The following RGS6 variants were observed in gnomAD, a reference collection of about 807,000 sequenced individuals.
RGS6 encodes regulator of G-protein signaling 6.
In RGS6, 30 loss-of-function variants were observed where a neutral mutation model predicts 78.5. The ratio of observed to expected loss-of-function variants is 0.38; its 90% CI spans 0.29 to 0.52. The LOEUF (loss-of-function observed/expected upper bound fraction) is 0.52, where lower values mean the gene tolerates loss of function less well. Among genes scored for constraint, RGS6 ranks in the 20% least tolerant of loss-of-function variants. The pLI, the probability that RGS6 is intolerant of heterozygous loss-of-function variation, is 0.85. For synonymous variants in RGS6, 206 were observed against 206.0 expected, an observed-to-expected ratio of 1.00 and a Z score of 0.00; for missense variants, 495 against 609.7, an observed-to-expected ratio of 0.81 and a Z score of 1.98.
intron 3 of RGS6, among the ~76,000 whole-genome samples, chr14:72,419,910 A>T (rs2094073095): frequency 6.6e-6 from 1 of 152,266 alleles, no homozygotes; most frequent in East Asian, 1.9e-4. Flanking sequence ...AGGTGGAGAG[A>T]AGTAGAGCAA....
intron 2 of RGS6, among the ~76,000 whole-genome samples, chr14:72,205,801 G>A (rs1315061225): frequency 1.3e-5 from 2 of 152,154 alleles, no homozygotes; most frequent in Non-Finnish European, 2.9e-5. Flanking sequence ...AGTGTGTTCT[G>A]CAGACCGAAA....
At chr14:72,518,935 C>A (rs1167969314) in intron 15 of RGS6, among the ~76,000 whole-genome samples, 1 of 152,168 alleles carries the variant, frequency 6.6e-6, no homozygotes, top group Non-Finnish European at 1.5e-5. Context: ...CACTGATAAC[C>A]ACCTCTCTAC....
At chr14:72,338,075 T>C (rs548698054) in intron 2 of RGS6, among the ~76,000 whole-genome samples, 50 of 152,350 alleles carry the variant, frequency 3.3e-4, no homozygotes, top group Admixed American at 5.2e-4. Context: ...CAGGCAGATA[T>C]GGGCCTCCCC....
In RGS6 at chr14:72,478,279, G is replaced by C. The variant is rs201890851; in HGVS notation, c.804G>C (p.Leu268Phe). The C allele has an allele frequency of 6.2e-7, 1 of 1,612,788 alleles. No homozygotes were observed. The highest frequency in any genetic ancestry group is 1.3e-5 in the African/African-American group (1 of 75,028). ...KEDIRKQITF[L>F]NAQIDRHCLK... ...CTCTATTTTCCCAGATAACATTTTT[G>C]AACGCACAGATCGACAGACATTGTT... The change falls in exon 12 of 18, where the codon TTG (leucine) becomes TTC (phenylalanine). Residue 268 changes from leucine (L) to phenylalanine (F), a missense_variant. Physicochemically the swap from Leu to Phe is conservative, Grantham distance 22. Coordinates refer to ENST00000553525, the MANE Select transcript of RGS6 (RefSeq NM_001204424.2).
chr14:72,320,596 A>G (rs561791001), intron 2 of RGS6, among the ~76,000 whole-genome samples: 1 of 151,704 alleles, frequency 6.6e-6, no homozygotes, highest in South Asian at 2.1e-4. Context: ...AAATAAAATT[A>G]AAAAATAAAA....
chr14:72,138,712 G>A (rs777505369), intron 2 of RGS6, among the ~76,000 whole-genome samples: 7 of 151,934 alleles, frequency 4.6e-5, no homozygotes, highest in Non-Finnish European at 7.4e-5. Flanking sequence ...CAGATCAGCA[G>A]CAGCATTAGA....
chr14:72,173,059 C>T (rs2153685841), intron 2 of RGS6, among the ~76,000 whole-genome samples: 1 of 152,284 alleles, frequency 6.6e-6, no homozygotes, highest in South Asian at 2.1e-4. Context: ...CTCAGTCCAC[C>T]TGTAAAGAGG....
chr14:72,042,853 T>G (rs1473527660), intron 2 of RGS6, among the ~76,000 whole-genome samples: 5 of 152,204 alleles, frequency 3.3e-5, no homozygotes, highest in Non-Finnish European at 5.9e-5. Flanking sequence ...AGTAGATTGC[T>G]GGAGATGGAA....
intron 17 of RGS6, among the ~76,000 whole-genome samples, chr14:72,548,302 CAGAT>C (rs752338541): frequency 7.9e-5 from 12 of 151,644 alleles, no homozygotes; most frequent in South Asian, 2.1e-4. Context: ...GGGTCAAAAA[CAGAT>C]AGCATTTTAC....
chr14:72,229,092 A>C (rs894087413), intron 2 of RGS6, among the ~76,000 whole-genome samples: 3 of 152,172 alleles, frequency 2.0e-5, no homozygotes, highest in African/African-American at 7.2e-5. Context: ...TTGTAGATAC[A>C]TTTGGGAAAA....
At chr14:72,367,439 T>C (rs2082655500) in intron 3 of RGS6, among the ~76,000 whole-genome samples, 1 of 152,176 alleles carries the variant, frequency 6.6e-6, no homozygotes, top group African/African-American at 2.4e-5. Flanking sequence ...AACTTTGACC[T>C]TGAGAAACTT....
At chr14:71,918,819 C>G in the RGS6 span, among the ~76,000 whole-genome samples, 1 of 152,116 alleles carries the variant, frequency 6.6e-6, no homozygotes, top group African/African-American at 2.4e-5. Flanking sequence ...TCATTTTAGT[C>G]AATTGTTCTA....
intron 17 of RGS6, chr14:72,540,905 G>A: frequency 3.0e-6 from 3 of 985,424 alleles, no homozygotes; most frequent in Non-Finnish European, 3.6e-6. Flanking sequence ...GCAACAGGTG[G>A]GAGTGGGGAG....
rs111487150 is a variant in RGS6, at chr14:72,394,432, C to T, written c.184+42238C>T. ...AAAATTGCTAATGAAGTTTCAGGCA[C>T]GCTTTGTCATTGATAACATCTTATC... On this transcript the variant is annotated intron_variant, in intron 3 of 17. Transcript: ENST00000553525. 6.1e-3 allele frequency among the ~76,000 whole-genome samples: 933 copies of T among 152,222 alleles called. 9 individuals carry two copies. The highest frequency in any genetic ancestry group is 0.021 in the African/African-American group (887 of 41,528).
intron 2 of RGS6, among the ~76,000 whole-genome samples, chr14:72,310,819 C>T (rs2068433972): frequency 1.3e-5 from 2 of 152,196 alleles, no homozygotes; most frequent in Admixed American, 1.3e-4. Context: ...CAATCCAGAC[C>T]CTTCCAGGGA....
intron 2 of RGS6, among the ~76,000 whole-genome samples, chr14:72,124,143 G>A (rs2096127191): frequency 6.6e-6 from 1 of 152,160 alleles, no homozygotes; most frequent in South Asian, 2.1e-4. Flanking sequence ...TTCACTTACT[G>A]TTTAATAATA....
At chr14:72,543,170 G>A (rs147817596) in intron 17 of RGS6, among the ~76,000 whole-genome samples, 5 of 152,310 alleles carry the variant, frequency 3.3e-5, no homozygotes, top group African/African-American at 4.8e-5. Context: ...ACGACAGGGC[G>A]CAACTAGCCT....
intron 14 of RGS6, among the ~76,000 whole-genome samples, chr14:72,510,481 G>C (rs72726167): frequency 6.6e-6 from 1 of 152,190 alleles, no homozygotes; most frequent in East Asian, 1.9e-4. Context: ...ACTAACACCA[G>C]CATGTTTCAG....
At chr14:72,474,296 G>C (rs189082730) in intron 9 of RGS6, among the ~76,000 whole-genome samples, 1 of 152,142 alleles carries the variant, frequency 6.6e-6, no homozygotes, top group East Asian at 1.9e-4. Context: ...TACTCATCCT[G>C]ATATCGTGGA....
Sources: gnomAD v4.1 joint callset for allele counts (sites outside exome capture counted in the v4.1 genomes callset) on GRCh38, gnomAD v4.1.1 for gene constraint, MANE v1.5 for transcripts, NCBI Gene and HGNC (gene_info 2026-07-23, HGNC 2026-07-21) for gene names.